Variants in ZNF512 observed in about 807,000 individuals in gnomAD.
ZNF512 encodes the protein zinc finger protein 512.
ZNF512 carries 25 observed loss-of-function variants against 77.5 expected under a neutral mutation model. That is an observed-to-expected ratio of 0.32 (90% CI 0.23 to 0.45). ZNF512 has a LOEUF of 0.45. ZNF512 is among the 20% of genes least tolerant of loss of function. The pLI is 1.00. For synonymous variants in ZNF512, 246 were observed against 239.9 expected (o/e 1.03, Z -0.24); for missense variants, 483 against 692.6 (o/e 0.70, Z 3.40).
At chr2:27,618,388 A>G (rs1456287298) in intron 13 of ZNF512, among the ~76,000 whole-genome samples, 1 of 152,230 alleles carries the variant, frequency 6.6e-6, no homozygotes, top group Non-Finnish European at 1.5e-5. Context: ...TACTGGATAA[A>G]ACAACTAAAG....
chr2:27,603,982 T>C (rs1157179373), intron 9 of ZNF512, among the ~76,000 whole-genome samples: 1 of 152,054 alleles, frequency 6.6e-6, no homozygotes, highest in Non-Finnish European at 1.5e-5. Context: ...GCTGGAGTGC[T>C]GTAGAGCAAT....
At chr2:27,605,848 T>C (rs1572923840) in intron 9 of ZNF512, among the ~76,000 whole-genome samples, 1 of 152,344 alleles carries the variant, frequency 6.6e-6, no homozygotes, top group African/African-American at 2.4e-5. Flanking sequence ...TTCTGGGTCA[T>C]ATGATTAATG....
intron 2 of ZNF512, among the ~76,000 whole-genome samples, chr2:27,594,893 C>T (rs1288481125): frequency 2.6e-5 from 4 of 152,204 alleles, no homozygotes; most frequent in Admixed American, 6.5e-5. Context: ...CCTCGGGAGG[C>T]GGAGGCGAGC....
chr2:27,583,463 G>T, intron 1 of ZNF512, 195 bp from the exon 2 acceptor site: 5 of 1,455,182 alleles, frequency 3.4e-6, no homozygotes, highest in Non-Finnish European at 4.5e-6. Flanking sequence ...GGAAGACGAA[G>T]GCTCTGGTAT....
chr2:27,621,029 C>T (rs1673097943), intron 13 of ZNF512, 124 bp from the exon 14 acceptor site: 2 of 1,037,372 alleles, frequency 1.9e-6, no homozygotes, highest in Non-Finnish European at 2.8e-6. Flanking sequence ...AGGTATGGTT[C>T]CATATCTGTT....
In ZNF512 at chr2:27,608,055, G is replaced by C. The variant is rs754635683; in HGVS notation, c.1131+16G>C. On this transcript the variant is annotated intron_variant, in intron 10 of 13. Coordinates refer to ENST00000355467, the MANE Select transcript of ZNF512 (RefSeq NM_032434.4). The stretch of plus-strand genomic sequence containing the variant: ...TGATCGAAAGGTAAGGCAGAAACAT[G>C]TATCAATTTGGGAACCATTATGTCT... 2 of 1,537,592 alleles carry C rather than the reference G, an allele frequency of 1.3e-6. No homozygotes were observed. Among genetic ancestry groups the C allele is most frequent in the Admixed American group, 2.1e-5 (1 of 46,828 alleles).
chr2:27,593,196 ACACAC>A (rs1671673965), intron 2 of ZNF512, among the ~76,000 whole-genome samples: 1 of 7,384 alleles, frequency 1.4e-4, no homozygotes, highest in Non-Finnish European at 2.5e-4. Flanking sequence ...CCCTGTCTCT[ACACAC>A]ACACACACAC....
intron 12 of ZNF512, 111 bp from the exon 13 acceptor site, chr2:27,617,362 A>T: frequency 6.1e-6 from 4 of 655,854 alleles, no homozygotes; most frequent in Admixed American, 5.0e-5. Context: ...TTTCCTTCTT[A>T]TCTTTGCTGA....
intron 2 of ZNF512, among the ~76,000 whole-genome samples, chr2:27,585,934 TA>T (rs1671305076): frequency 6.6e-6 from 1 of 152,338 alleles, no homozygotes; most frequent in Admixed American, 6.5e-5. Context: ...GATGGGTAGA[TA>T]TTGTAAAATA....
At chr2:27,605,750 A>G (rs1370988050) in intron 9 of ZNF512, among the ~76,000 whole-genome samples, 2 of 152,182 alleles carry the variant, frequency 1.3e-5, no homozygotes, top group Admixed American at 1.3e-4. Context: ...TGCTGGGATT[A>G]CAGGCATGAG....
At chr2:27,592,738 G>A (rs1671651265) in intron 2 of ZNF512, among the ~76,000 whole-genome samples, 2 of 128,264 alleles carry the variant, frequency 1.6e-5, no homozygotes, top group African/African-American at 2.9e-5. Context: ...AGGCTGGAGT[G>A]CAAATGGCGC....
chr2:27,607,031 T>G (rs1380162923), intron 9 of ZNF512, among the ~76,000 whole-genome samples: 3 of 152,076 alleles, frequency 2.0e-5, no homozygotes, highest in Admixed American at 6.5e-5. Flanking sequence ...CTCTCATGCT[T>G]TGAATCTCTC....
At position 27,622,187 on chromosome 2, in the gene ZNF512, CAATA is replaced by C. The variant is rs1441056300; in HGVS notation, c.*731_*734del. 4 of 152,332 alleles carry C rather than the reference CAATA, an allele frequency of 2.6e-5. No individual in the cohort carries two copies. Among genetic ancestry groups the C allele is most frequent in the African/African-American group, 9.7e-5 (4 of 41,440 alleles). The allele number at this position is 152,332 out of a possible 1,614,324, so 9.4% of individuals were successfully genotyped here. On this transcript the variant is annotated 3_prime_UTR_variant, in exon 14 of 14. Transcript: ENST00000355467. ...GACAGGAAAGAGAAAGTAGAAGCAG[CAATA>C]AATACTGCCCCAACTTTCCTGGAGC... is the stretch of plus-strand genomic sequence containing the variant.
chr2:27,584,078 A>G (rs749356099), intron 2 of ZNF512, among the ~76,000 whole-genome samples: 3 of 152,182 alleles, frequency 2.0e-5, no homozygotes, highest in African/African-American at 7.2e-5. Context: ...TTGAATTTTA[A>G]ATTTTATTTA....
At position 27,583,674 on chromosome 2, in the gene ZNF512, C is replaced by T; in HGVS notation, c.47C>T (p.Thr16Ile). 1 of 1,614,162 alleles carries T rather than the reference C, an allele frequency of 6.2e-7. No homozygotes were observed. The stretch of plus-strand genomic sequence containing the variant: ...ATTTGCTAGACTTCGGGACCCACAA[C>T]CTTTAAGCAGCAGAGGAGCACGAGG... ...GAVPATSGPTTFKQQRSTRIV... is the reference protein window; with the variant it reads ...GAVPATSGPTIFKQQRSTRIV... The change falls in exon 2 of 14, where the codon ACC (threonine) becomes ATC (isoleucine). Residue 16 changes from threonine to isoleucine, a missense_variant. Physicochemically the swap from Thr to Ile is moderately conservative, Grantham distance 89. This residue lies in a region of ZNF512 where 159 missense variants were observed against 167.5 expected (regional missense o/e 0.95). Coordinates refer to ENST00000355467, the MANE Select transcript of ZNF512 (RefSeq NM_032434.4).
chr2:27,609,308 T>G (rs75710973), intron 10 of ZNF512, among the ~76,000 whole-genome samples: 3 of 152,242 alleles, frequency 2.0e-5, no homozygotes, highest in African/African-American at 4.8e-5. Context: ...ACATTTTTTT[T>G]GCCTGCTACA....
rs766178566 is a variant in ZNF512, at chr2:27,583,075, A to G, written c.-38A>G. The G allele has an allele frequency of 6.8e-6, 11 of 1,613,698 alleles. No individual in the cohort carries two copies. Among genetic ancestry groups the G allele is most frequent in the African/African-American group, 1.3e-5 (1 of 74,822 alleles). ...GCGGAAGTGGCGTTGGTCTGGCCGG[A>G]GCCCTTGGGTGAAATTGTTAGGCGT... On this transcript the variant is annotated 5_prime_UTR_variant, in exon 1 of 14. Coordinates refer to ENST00000355467, the MANE Select transcript of ZNF512 (RefSeq NM_032434.4).
At chr2:27,607,800 A>T (rs1331387269) in intron 9 of ZNF512, 45 bp from the exon 10 acceptor site, 2 of 1,594,724 alleles carry the variant, frequency 1.3e-6, no homozygotes, top group Non-Finnish European at 1.7e-6. Context: ...GCTGTGATGG[A>T]TGCCACTTAT....
At chr2:27,603,589 TA>T (rs1474997664) in intron 9 of ZNF512, among the ~76,000 whole-genome samples, 154 of 91,516 alleles carry the variant, frequency 1.7e-3, no homozygotes, top group East Asian at 8.0e-3. Context: ...TGTGTGTGTA[TA>T]TTTTTTTTTT....
Sources: allele counts gnomAD v4.1 joint callset (sites outside exome capture counted in the v4.1 genomes callset), GRCh38; gene constraint gnomAD v4.1.1; regional missense constraint gnomAD v4.1.1; transcripts MANE v1.5; gene names NCBI Gene and HGNC (gene_info 2026-07-23, HGNC 2026-07-21).